The following PHACTR3 variants were observed in gnomAD, a reference collection of about 807,000 sequenced individuals.
PHACTR3 encodes the protein protein phosphatase 1, regulatory subunit 123.
PHACTR3 carries 16 observed loss-of-function variants against 66.8 expected under a neutral mutation model. That is an observed-to-expected ratio of 0.24 (90% CI 0.16 to 0.36). The LOEUF (loss-of-function observed/expected upper bound fraction) is 0.36. PHACTR3 is among the 10% of genes least tolerant of loss of function. PHACTR3 has a pLI of 1.00. For missense variants in PHACTR3, 647 were observed against 719.9 expected, an observed-to-expected ratio of 0.90 and a Z score of 1.16; for synonymous variants, 323 against 292.1, an observed-to-expected ratio of 1.11 and a Z score of -1.08.
intron 8 of PHACTR3, among the ~76,000 whole-genome samples, chr20:59,814,559 T>C (rs2041833817): frequency 6.6e-6 from 1 of 152,214 alleles, no homozygotes; most frequent in African/African-American, 2.4e-5. Flanking sequence ...CTGGACTTGC[T>C]GATCTCAGCT....
intron 1 of PHACTR3, among the ~76,000 whole-genome samples, chr20:59,675,523 G>A (rs1376612118): frequency 6.6e-6 from 1 of 152,208 alleles, no homozygotes; most frequent in Non-Finnish European, 1.5e-5. Flanking sequence ...GGATCAGAGA[G>A]GTGAAGTCCC....
chr20:59,838,864 A>G (rs546920114), intron 9 of PHACTR3, among the ~76,000 whole-genome samples: 1 of 152,164 alleles, frequency 6.6e-6, no homozygotes, highest in Admixed American at 6.5e-5. Flanking sequence ...ACATATCACT[A>G]AGGGGAGCTC....
At chr20:59,688,749 G>A (rs2036991414) in intron 1 of PHACTR3, among the ~76,000 whole-genome samples, 1 of 152,056 alleles carries the variant, frequency 6.6e-6, no homozygotes, top group Admixed American at 6.6e-5. Flanking sequence ...GAACACAGTG[G>A]GGGTAATGCA....
At chr20:59,735,520 T>C (rs1196374748) in intron 1 of PHACTR3, among the ~76,000 whole-genome samples, 4 of 151,814 alleles carry the variant, frequency 2.6e-5, no homozygotes, top group Non-Finnish European at 5.9e-5. Flanking sequence ...TTTCGTGAAG[T>C]GGAAGGATAA....
intron 1 of PHACTR3, among the ~76,000 whole-genome samples, chr20:59,687,617 C>T (rs1270169585): frequency 6.6e-6 from 1 of 152,064 alleles, no homozygotes; most frequent in African/African-American, 2.4e-5. Context: ...TTTTCACACC[C>T]TCTGTAAAAT....
chr20:59,723,793 T>G (rs1358679992), intron 1 of PHACTR3, among the ~76,000 whole-genome samples: 2 of 151,846 alleles, frequency 1.3e-5, no homozygotes, highest in Non-Finnish European at 2.9e-5. Flanking sequence ...GTCTCTGGGG[T>G]GTGGTCAGGA....
intron 1 of PHACTR3, among the ~76,000 whole-genome samples, chr20:59,671,876 A>G (rs1333647386): frequency 6.6e-6 from 1 of 152,194 alleles, no homozygotes; most frequent in Non-Finnish European, 1.5e-5. Context: ...GGTTCACCTC[A>G]CCTACTTACC....
intron 1 of PHACTR3, among the ~76,000 whole-genome samples, chr20:59,684,082 C>T (rs2036767084): frequency 6.6e-6 from 1 of 152,150 alleles, no homozygotes; most frequent in Non-Finnish European, 1.5e-5. Flanking sequence ...CTGCATGGTT[C>T]TAGGATGTGG....
At chr20:59,845,327 G>A (rs573450608) in intron 12 of PHACTR3, 62 bp downstream of exon 12, 45 of 1,025,224 alleles carry the variant, frequency 4.4e-5, no homozygotes, top group East Asian at 3.1e-4. Flanking sequence ...GCCTTCCCCC[G>A]TCCCCCGCCA....
intron 7 of PHACTR3, among the ~76,000 whole-genome samples, chr20:59,789,105 G>A (rs527652332): frequency 2.2e-4 from 34 of 152,368 alleles, no homozygotes; most frequent in African/African-American, 8.2e-4. Flanking sequence ...AACAGAAACA[G>A]TACATGCCTG....
At chr20:59,616,931 C>T (rs1160240205) in intron 1 of PHACTR3, among the ~76,000 whole-genome samples, 2 of 152,130 alleles carry the variant, frequency 1.3e-5, no homozygotes, top group African/African-American at 2.4e-5. Context: ...TGCCTGCACT[C>T]TCATTCACCT....
intron 1 of PHACTR3, chr20:59,626,503 T>G (rs2034452948): frequency 6.6e-6 from 1 of 152,270 alleles, no homozygotes; most frequent in South Asian, 2.1e-4. Context: ...AGAAGAGCAC[T>G]AGGGCAGCAG....
intron 7 of PHACTR3, among the ~76,000 whole-genome samples, chr20:59,781,314 A>G (rs1365776294): frequency 6.6e-6 from 1 of 152,184 alleles, no homozygotes; most frequent in Non-Finnish European, 1.5e-5. Context: ...AGGAGAAACA[A>G]GCCTCAAGAA....
At chr20:59,593,209 C>T (rs187250059) in intron 1 of PHACTR3, among the ~76,000 whole-genome samples, 3 of 152,290 alleles carry the variant, frequency 2.0e-5, no homozygotes, top group African/African-American at 7.2e-5. Context: ...GATGGGTGTG[C>T]AGTGGTCTCT....
At chr20:59,796,741 G>A (rs1767842) in intron 7 of PHACTR3, among the ~76,000 whole-genome samples, 147,001 of 152,282 alleles carry the variant, frequency 0.97, 70,977 homozygotes, top group East Asian at 1. Context: ...TCCCCTATAT[G>A]TGACTTTGTT....
At chr20:59,620,377 C>T (rs2034187219) in intron 1 of PHACTR3, among the ~76,000 whole-genome samples, 1 of 152,176 alleles carries the variant, frequency 6.6e-6, no homozygotes, top group Admixed American at 6.5e-5. Flanking sequence ...GTCCATTTTT[C>T]TGCTAACATG....
intron 8 of PHACTR3, among the ~76,000 whole-genome samples, chr20:59,828,682 G>A (rs933816050): frequency 1.7e-4 from 26 of 152,024 alleles, no homozygotes; most frequent in African/African-American, 6.0e-4. Context: ...GCTCGACGTG[G>A]GGCCATCACC....
intron 1 of PHACTR3, among the ~76,000 whole-genome samples, chr20:59,642,856 T>C (rs1453430610): frequency 6.6e-6 from 1 of 152,134 alleles, no homozygotes; most frequent in African/African-American, 2.4e-5. Context: ...CAGAAAGAGC[T>C]CTCTGGTTGA....
Position 59,607,903 on chromosome 20 carries a change from G to T in PHACTR3, c.118+2771G>T, listed in dbSNP as rs1038884013. On this transcript the variant is annotated intron_variant, in intron 1 of 12. Transcript: ENST00000371015. ...TTTACCCACTACAGACAACACAGCTGTAATTACCTGGGCACAAACTGCCTT... is the reference window on the plus strand; with the variant it reads ...TTTACCCACTACAGACAACACAGCTTTAATTACCTGGGCACAAACTGCCTT... Among the ~76,000 whole-genome samples, 12 of 152,290 alleles carry T rather than the reference G, an allele frequency of 7.9e-5. No homozygotes were observed. The South Asian group carries it at 1.2e-3, about 16-fold the overall frequency.
Sources: gnomAD v4.1 joint callset for allele counts (sites outside exome capture counted in the v4.1 genomes callset) on GRCh38, gnomAD v4.1.1 for gene constraint, MANE v1.5 for transcripts, NCBI Gene and HGNC (gene_info 2026-07-23, HGNC 2026-07-21) for gene names.